SH2D6: variants seen among roughly 807,000 people sequenced by gnomAD.
SH2D6 encodes SH2 domain-containing protein 6.
SH2D6 carries 31 observed loss-of-function variants against 30.2 expected under a neutral mutation model. The observed-to-expected ratio is 1.03, with a 90% CI of 0.77 to 1.38. SH2D6 has a LOEUF of 1.38. Ranked by LOEUF, SH2D6 falls within the 40% of genes most tolerant of loss-of-function variation. SH2D6 has a pLI of 0.00. For missense variants in SH2D6, 240 were observed against 266.8 expected (o/e 0.90, Z 0.70); for synonymous variants, 93 against 104.6 (o/e 0.89, Z 0.68).
intron 2 of SH2D6, chr2:85,420,833 G>C (rs1451546438): frequency 6.6e-6 from 1 of 152,348 alleles, no homozygotes; most frequent in East Asian, 1.9e-4. Flanking sequence ...CACCACCAGG[G>C]GTCGCCCTCT....
In SH2D6 at chr2:85,435,749, C is replaced by G. The variant is rs1328320096; in HGVS notation, c.816C>G (p.Val272=). The G allele has an allele frequency of 1.9e-6, 3 of 1,612,156 alleles. No homozygotes were observed. Among genetic ancestry groups the G allele is most frequent in the Non-Finnish European group, 2.5e-6 (3 of 1,179,352 alleles). ...TGGCAGTGCTTCTCCGAGGCCGGGTCTTCAACATTCCCATCCGGCGGCTGG... is the reference window on the plus strand; with the variant it reads ...TGGCAGTGCTTCTCCGAGGCCGGGTGTTCAACATTCCCATCCGGCGGCTGG... ...FTLAVLLRGR[V]FNIPIRRLDG... is the part of the protein sequence containing the mutation. Residue 272 remains valine (V), a synonymous_variant, in exon 22 of 24, where the codon GTC becomes GTG. Coordinates refer to ENST00000469800, the MANE Select transcript of SH2D6 (RefSeq NM_001394463.1).
At position 85,434,747 on chromosome 2, in the gene SH2D6, C is replaced by G. The variant is rs1185793946; in HGVS notation, c.589+250C>G. On this transcript the variant is annotated intron_variant, in intron 19 of 23. Transcript: ENST00000469800. ...CAGGCCCCAAGTTACTGAGGATGTC[C>G]CTGAAGCTCTGACTCCAGCTGAGAT... is the stretch of plus-strand genomic sequence containing the variant. The G allele has an allele frequency of 2.8e-6, 4 of 1,447,276 alleles. No homozygotes were observed. In the African/African-American group the frequency reaches 5.7e-5, roughly 21 times the overall value. The allele number at this position is 1,447,276 out of a possible 1,614,324, so 89.7% of individuals were successfully genotyped here.
At chr2:85,428,776 C>T (rs1371740798) in intron 7 of SH2D6, 79 bp downstream of exon 7, 1 of 152,180 alleles carries the variant, frequency 6.6e-6, no homozygotes, top group Non-Finnish European at 1.5e-5. Context: ...GACTAATACA[C>T]TCAGTTTCCT....
At position 85,430,976 on chromosome 2, in the gene SH2D6, G is replaced by C. The variant is rs1688548701; in HGVS notation, c.251-234G>C. ...TTCAGGCCAAGGGCGGGGGTGCTGGGAGAGCCCCGGCTGCCGCTGGCATCC... is the reference window on the plus strand; with the variant it reads ...TTCAGGCCAAGGGCGGGGGTGCTGGCAGAGCCCCGGCTGCCGCTGGCATCC... On this transcript the variant is annotated intron_variant, in intron 12 of 23. Coordinates refer to ENST00000469800, the MANE Select transcript of SH2D6 (RefSeq NM_001394463.1). This position sits in a 1 kb window ranked among gnomAD's most constrained non-coding sequence, Gnocchi z 4.3. 6.6e-6 allele frequency among the ~76,000 whole-genome samples: 1 copy of C among 152,084 alleles called. No homozygotes were observed. Among genetic ancestry groups the C allele is most frequent in the Non-Finnish European group, 1.5e-5 (1 of 67,982 alleles).
Position 85,422,443 on chromosome 2 carries a change from G to A in SH2D6, c.-451G>A, listed in dbSNP as rs1181771187. Reference sequence around the variant, plus strand: ...AATTTCCTTAAGTCAACAGGACACAGAATGGTCTGCCTGGGCCTCAGTCAC... The same window carrying A: ...AATTTCCTTAAGTCAACAGGACACAAAATGGTCTGCCTGGGCCTCAGTCAC... On this transcript the variant is annotated 5_prime_UTR_variant, in exon 4 of 24. Coordinates refer to ENST00000469800, the MANE Select transcript of SH2D6 (RefSeq NM_001394463.1). 6.6e-6 allele frequency: 1 copy of A among 152,214 alleles called. No individual in the cohort carries two copies. The highest frequency in any genetic ancestry group is 1.5e-5 in the Non-Finnish European group (1 of 68,046). 9.4% of individuals were successfully genotyped at this position (152,214 alleles called of 1,614,324 possible).
At chr2:85,422,880 T>C (rs1368503889) in intron 5 of SH2D6, among the ~76,000 whole-genome samples, 190 bp downstream of exon 5, 1 of 152,164 alleles carries the variant, frequency 6.6e-6, no homozygotes, top group African/African-American at 2.4e-5. Context: ...CACCAGACTT[T>C]TGTTTGTTTG....
intron 15 of SH2D6, 119 bp from the exon 16 acceptor site, chr2:85,433,452 G>C (rs762673205): frequency 2.2e-5 from 7 of 318,966 alleles, no homozygotes; most frequent in Non-Finnish European, 2.7e-5. Flanking sequence ...ACCATGTGAG[G>C]AGGGAGTGAG....
In SH2D6 at chr2:85,436,552, CACCT is replaced by C. The variant is rs763604411; in HGVS notation, c.979_982del (p.Thr327AlafsTer22). 18 of 1,613,742 alleles carry C rather than the reference CACCT, an allele frequency of 1.1e-5. No individual in the cohort carries two copies. The highest frequency in any genetic ancestry group is 1.4e-5 in the Non-Finnish European group (17 of 1,180,002). On this transcript the variant is annotated frameshift_variant, in exon 23 of 24. Transcript: ENST00000469800. LOFTEE classifies it high-confidence loss of function. ...ACAGACACAGCGGCAGCCGGGAACT[CACCT>C]GCCTGCTCTTCCCCACCAAGCCTTG...
At chr2:85,435,972 C>A in intron 22 of SH2D6, 148 bp downstream of exon 22, 2 of 1,168,042 alleles carry the variant, frequency 1.7e-6, no homozygotes, top group Non-Finnish European at 2.3e-6. Context: ...TGAACTCCTT[C>A]CAGACACCTG....
chr2:85,424,435 G>A (rs1247736398), intron 5 of SH2D6, among the ~76,000 whole-genome samples: 1 of 151,972 alleles, frequency 6.6e-6, no homozygotes, highest in Non-Finnish European at 1.5e-5. Context: ...TATCTATATT[G>A]ATGGATTTTT....
At chr2:85,434,007 G>A (rs1689085660) in intron 16 of SH2D6, 26 bp from the exon 17 acceptor site, 5 of 1,545,580 alleles carry the variant, frequency 3.2e-6, no homozygotes. Flanking sequence ...GCTCAGCCGA[G>A]CCCAGCCTGC....
chr2:85,436,701 C>G (rs774005012), intron 23 of SH2D6, 107 bp downstream of exon 23: 73 of 847,482 alleles, frequency 8.6e-5, no homozygotes, highest in Non-Finnish European at 1.3e-4. Flanking sequence ...CCAGTGCCCA[C>G]AAGCAGCATT....
intron 14 of SH2D6, 95 bp from the exon 15 acceptor site, chr2:85,433,004 C>T (rs953243779): frequency 1.0e-6 from 1 of 972,128 alleles, no homozygotes; most frequent in African/African-American, 1.8e-5. Flanking sequence ...CTCGGAGGCA[C>T]CCTAAGGAGA....
intron 22 of SH2D6, 88 bp from the exon 23 acceptor site, chr2:85,436,378 C>A: frequency 1.1e-6 from 1 of 930,842 alleles, no homozygotes; most frequent in Admixed American, 1.9e-5. Context: ...TGTCAAAAGT[C>A]CCCTTGCCAG....
At chr2:85,432,653 G>A (rs1362896898) in intron 14 of SH2D6, among the ~76,000 whole-genome samples, 1 of 152,148 alleles carries the variant, frequency 6.6e-6, no homozygotes, top group Admixed American at 6.5e-5. Context: ...GCCTGCCTCG[G>A]CCTCCCAAAG....
At chr2:85,433,970 C>G in intron 16 of SH2D6, 63 bp from the exon 17 acceptor site, 1 of 1,400,170 alleles carries the variant, frequency 7.1e-7, no homozygotes, top group South Asian at 1.3e-5. Context: ...CAGCCCTGCC[C>G]TGGTCAGCAT....
intron 2 of SH2D6, 85 bp downstream of exon 2, chr2:85,419,329 A>T (rs1057089630): frequency 6.6e-6 from 1 of 152,338 alleles, no homozygotes; most frequent in Non-Finnish European, 1.5e-5. Context: ...CTCACACCTC[A>T]GGGTCAAATG....
chr2:85,424,874 C>T (rs1330066862), intron 5 of SH2D6, among the ~76,000 whole-genome samples: 1 of 152,052 alleles, frequency 6.6e-6, no homozygotes, highest in Non-Finnish European at 1.5e-5. Context: ...GAGATCAGCC[C>T]GGCCAACATA....
chr2:85,436,553 A>T lies in SH2D6; in HGVS notation c.979A>T (p.Thr327Ser). 6.2e-7 allele frequency: 1 copy of T among 1,613,238 alleles called. No homozygotes were observed. The highest frequency in any genetic ancestry group is 1.1e-5 in the South Asian group (1 of 91,072). The stretch of plus-strand genomic sequence containing the variant: ...CAGACACAGCGGCAGCCGGGAACTC[A>T]CCTGCCTGCTCTTCCCCACCAAGCC... Reference protein sequence around the residue: ...VDRHSGSRELTCLLFPTKP With the variant: ...VDRHSGSRELSCLLFPTKP The change falls in exon 23 of 24, where the codon ACC becomes TCC. Residue 327 changes from threonine to serine, a missense_variant. Physicochemically the swap from Thr to Ser is moderately conservative, Grantham distance 58 (BLOSUM62 1). Coordinates refer to ENST00000469800, the MANE Select transcript of SH2D6 (RefSeq NM_001394463.1).
Sources: gnomAD v4.1 joint callset for allele counts (sites outside exome capture counted in the v4.1 genomes callset) on GRCh38, gnomAD v4.1.1 for gene constraint, Gnocchi (gnomAD v3.1) non-coding constraint, MANE v1.5 for transcripts, NCBI Gene and HGNC (gene_info 2026-07-23, HGNC 2026-07-21) for gene names.